Variants in PHEX observed in about 807,000 individuals in gnomAD.
The protein encoded by PHEX is phosphate regulating endopeptidase X-linked, also known as phosphate-regulating neutral endopeptidase PHEX.
In PHEX, 16 loss-of-function variants were observed where a neutral mutation model predicts 68.0. The observed-to-expected ratio is 0.24, with a 90% CI of 0.16 to 0.36. The LOEUF (loss-of-function observed/expected upper bound fraction) is 0.36, where lower values mean the gene tolerates loss of function less well. Among genes scored for constraint, PHEX ranks in the 10% least tolerant of loss-of-function variants. PHEX has a pLI of 1.00. For missense variants in PHEX, 480 were observed against 575.5 expected, an observed-to-expected ratio of 0.83 and a Z score of 1.70; for synonymous variants, 208 against 205.1, an observed-to-expected ratio of 1.01 and a Z score of -0.12.
chrX:22,090,774 T>C (rs1286217801), intron 6 of PHEX, among the ~76,000 whole-genome samples: 1 of 112,059 alleles, frequency 8.9e-6, no homozygotes, highest in Non-Finnish European at 1.9e-5. Context: ...CTTGCAGTCA[T>C]TCATTCCTCA....
intron 12 of PHEX, among the ~76,000 whole-genome samples, chrX:22,152,104 A>G (rs952768939): frequency 6.2e-5 from 7 of 112,110 alleles, no homozygotes; most frequent in Non-Finnish European, 1.3e-4. Context: ...TATGTTGGGA[A>G]AACATGAAAT....
chrX:22,190,161 T>G (rs748793576), intron 14 of PHEX, among the ~76,000 whole-genome samples: 1 of 112,367 alleles, frequency 8.9e-6, no homozygotes, highest in African/African-American at 3.2e-5. Flanking sequence ...TCTTTAAAAC[T>G]TTTTCAAAAG....
At chrX:22,238,898 A>C (rs934133413) in intron 20 of PHEX, among the ~76,000 whole-genome samples, 2 of 111,628 alleles carry the variant, frequency 1.8e-5, no homozygotes, top group African/African-American at 6.5e-5. Flanking sequence ...CTGCCTCCTC[A>C]AGTGGGTCCC....
intron 3 of PHEX, among the ~76,000 whole-genome samples, chrX:22,068,780 T>C (rs963765411): frequency 8.9e-6 from 1 of 112,096 alleles, no homozygotes; most frequent in Non-Finnish European, 1.9e-5. Context: ...GGAACGACCA[T>C]TGCAGGGAGT....
At chrX:22,180,016 T>A (rs753976685) in intron 14 of PHEX, among the ~76,000 whole-genome samples, 16 of 109,265 alleles carry the variant, frequency 1.5e-4, no homozygotes, top group South Asian at 4.0e-4. Context: ...TTTTTTTTTT[T>A]AAAATCAAAA....
At chrX:22,097,778 T>A in intron 8 of PHEX, 2 of 668,538 alleles carry the variant, frequency 3.0e-6, no homozygotes, top group Non-Finnish European at 3.6e-6. Flanking sequence ...TTTTATTTGT[T>A]TTTTTTTGAG....
At chrX:22,216,673 C>A (rs1027913453) in intron 16 of PHEX, among the ~76,000 whole-genome samples, 2 of 103,329 alleles carry the variant, frequency 1.9e-5, no homozygotes, top group African/African-American at 7.5e-5. Context: ...GCATGCGCCA[C>A]CATGCCTGGC....
At position 22,168,307 on chromosome X, in the gene PHEX, T is replaced by G. The variant is rs751170888; in HGVS notation, c.1405-5T>G. Reference sequence around the variant, plus strand: ...TGACATTATTTTTCTTTTTCCTTTTTGTAGGCGAGAGCTGTTTTGGCAAAA... The same window carrying G: ...TGACATTATTTTTCTTTTTCCTTTTGGTAGGCGAGAGCTGTTTTGGCAAAA... On this transcript the variant is annotated splice_polypyrimidine_tract_variant and splice_region_variant and intron_variant, in intron 12 of 21. Coordinates refer to ENST00000379374, the MANE Select transcript of PHEX (RefSeq NM_000444.6). 6.8e-6 allele frequency: 8 copies of G among 1,173,320 alleles called. No individual in the cohort carries two copies. Among genetic ancestry groups the G allele is most frequent in the Non-Finnish European group, 2.3e-6 (2 of 860,502 alleles).
chrX:22,033,148 G>A, intron 1 of PHEX, 25 bp downstream of exon 1: 1 of 1,040,313 alleles, frequency 9.6e-7, no homozygotes, highest in Non-Finnish European at 1.4e-6. Flanking sequence ...GGAGGCCGGG[G>A]GAACTGGGTG....
chrX:22,054,945 G>A (rs1200766291), intron 3 of PHEX, among the ~76,000 whole-genome samples: 12 of 108,403 alleles, frequency 1.1e-4, no homozygotes, highest in Admixed American at 9.1e-4. Context: ...AAGCCGAGGC[G>A]GTTGGGTCAC....
chrX:22,176,423 A>G (rs1043049745), intron 13 of PHEX, among the ~76,000 whole-genome samples: 6 of 103,614 alleles, frequency 5.8e-5, no homozygotes, highest in East Asian at 2.9e-4. Context: ...ATATATATAT[A>G]TATGTATGTA....
rs773900259 is a variant in PHEX, at chrX:22,235,018, C to T, written c.2070+7407C>T. ...GGTTGCGAAGACCGTGGGGAAAGTGCAGTATCTGGACTGGAGTGCACGGTT... is the reference window on the plus strand; with the variant it reads ...GGTTGCGAAGACCGTGGGGAAAGTGTAGTATCTGGACTGGAGTGCACGGTT... On this transcript the variant is annotated intron_variant, in intron 20 of 21. Transcript: ENST00000379374. Among the ~76,000 whole-genome samples, 3 of 111,371 alleles carry T rather than the reference C, an allele frequency of 2.7e-5. No homozygotes were observed. In the East Asian group the frequency reaches 8.5e-4, roughly 32 times the overall value.
chrX:22,234,399 G>A (rs751224285), intron 20 of PHEX, among the ~76,000 whole-genome samples: 7 of 111,648 alleles, frequency 6.3e-5, no homozygotes, highest in African/African-American at 1.3e-4. Context: ...CTCTGTCCTA[G>A]GGAGATGGGA....
At chrX:22,223,476 G>A (rs745957173) in intron 18 of PHEX, among the ~76,000 whole-genome samples, 2 of 111,917 alleles carry the variant, frequency 1.8e-5, no homozygotes, top group Non-Finnish European at 3.8e-5. Flanking sequence ...TGGGCATGGT[G>A]ACTCATGCCT....
intron 15 of PHEX, among the ~76,000 whole-genome samples, chrX:22,193,195 A>G (rs186090296): frequency 8.8e-4 from 98 of 111,237 alleles, no homozygotes; most frequent in Admixed American, 1.6e-3. Context: ...TATTAATTAT[A>G]ATCACATTTA....
At chrX:22,095,092 G>T (rs1454168921) in intron 7 of PHEX, among the ~76,000 whole-genome samples, 1 of 111,659 alleles carries the variant, frequency 9.0e-6, no homozygotes, top group Non-Finnish European at 1.9e-5. Flanking sequence ...GTGGTGTGTT[G>T]AGGTATGGAG....
At position 22,114,593 on chromosome X, in the gene PHEX, G is replaced by A. The variant is rs779472132; in HGVS notation, c.1302+7G>A. 2 of 1,201,800 alleles carry A rather than the reference G, an allele frequency of 1.7e-6. No individual in the cohort carries two copies. Among genetic ancestry groups the A allele is most frequent in the Non-Finnish European group, 2.3e-6 (2 of 886,721 alleles). ...GGAAGATAAGAAGGAAATGGTAAGTGGTACTCCCCAGCTAGCAAAAAATAA... is the reference window on the plus strand; with the variant it reads ...GGAAGATAAGAAGGAAATGGTAAGTAGTACTCCCCAGCTAGCAAAAAATAA... On this transcript the variant is annotated splice_region_variant and intron_variant, in intron 11 of 21. Transcript: ENST00000379374.
In PHEX at chrX:22,221,628, A is replaced by C; in HGVS notation, c.1784A>C (p.Lys595Thr). The C allele has an allele frequency of 8.3e-7, 1 of 1,204,312 alleles. No homozygotes were observed. The highest frequency in any genetic ancestry group is 1.1e-6 in the Non-Finnish European group (1 of 888,518). The change falls in exon 18 of 22, where the codon AAA (lysine) becomes ACA (threonine). Residue 595 changes from lysine (K) to threonine (T), a missense_variant. By Grantham distance (78) the Lys-to-Thr change is moderately conservative (BLOSUM62 -1). Coordinates refer to ENST00000379374, the MANE Select transcript of PHEX (RefSeq NM_000444.6). ...GFDNNGRKYDKNGNLDPWWST... is the reference protein window; with the variant it reads ...GFDNNGRKYDTNGNLDPWWST... ...CTTTTGCTAGGTAGAAAATATGATA[A>C]AAATGGAAACCTGGATCCTTGGTGG... is the stretch of plus-strand genomic sequence containing the variant.
chrX:22,164,633 C>CCGTT (rs2147114964), intron 12 of PHEX, among the ~76,000 whole-genome samples: 1 of 112,196 alleles, frequency 8.9e-6, no homozygotes, highest in East Asian at 2.8e-4. Flanking sequence ...CTCAGCTTGT[C>CCGTT]CGTTCGTTCG....
Sources: gnomAD v4.1 joint callset for allele counts (sites outside exome capture counted in the v4.1 genomes callset) on GRCh38, gnomAD v4.1.1 for gene constraint, MANE v1.5 for transcripts, NCBI Gene and HGNC (gene_info 2026-07-23, HGNC 2026-07-21) for gene names.